Variants in TRIM13 observed in about 807,000 individuals in gnomAD.
TRIM13 encodes the protein tripartite motif containing 13, also known as E3 ubiquitin-protein ligase TRIM13.
In TRIM13, 15 loss-of-function variants were observed where a neutral mutation model predicts 27.1. That is an observed-to-expected ratio of 0.55 (90% CI 0.37 to 0.85). The LOEUF is 0.85. Ranked by LOEUF, TRIM13 falls within the 40% of genes least tolerant of loss-of-function variation. The probability of loss-of-function intolerance (pLI) is 0.00; values close to 1 mark genes in which losing one functional copy is unlikely to be tolerated. For missense variants in TRIM13, 402 were observed against 472.2 expected (o/e 0.85, Z 1.38); for synonymous variants, 193 against 171.5 (o/e 1.13, Z -0.98).
chr13:50,002,471 T>A (rs1033747899), intron 1 of TRIM13, among the ~76,000 whole-genome samples: 2 of 152,222 alleles, frequency 1.3e-5, no homozygotes, highest in African/African-American at 4.8e-5. Context: ...TTCAAAGTTT[T>A]ACTTTCTAAA....
chr13:50,001,480 A>T (rs2740543), intron 1 of TRIM13, among the ~76,000 whole-genome samples: 145,496 of 152,204 alleles, frequency 0.96, 69,872 homozygotes, highest in East Asian at 1. Context: ...AAGTGAACTT[A>T]CCAAGCTAGT....
intron 1 of TRIM13, among the ~76,000 whole-genome samples, chr13:49,998,645 G>C (rs1408835879): frequency 6.6e-6 from 1 of 151,916 alleles, no homozygotes; most frequent in African/African-American, 2.4e-5. Context: ...GTTCTCGGTG[G>C]AATTTTCCTT....
intron 1 of TRIM13, among the ~76,000 whole-genome samples, chr13:50,005,444 C>T (rs575859791): frequency 2.6e-5 from 4 of 151,646 alleles, no homozygotes; most frequent in African/African-American, 4.8e-5. Flanking sequence ...GAGGCCGAGG[C>T]GGGTGGATCA....
chr13:49,999,762 G>A (rs1443466923), intron 1 of TRIM13, among the ~76,000 whole-genome samples: 4 of 152,156 alleles, frequency 2.6e-5, no homozygotes, highest in Admixed American at 6.5e-5. Flanking sequence ...CCCTTCACTA[G>A]AGAGCCTGTT....
In TRIM13 at chr13:49,997,436, G is replaced by C. The variant is rs1040454219; in HGVS notation, c.-334G>C. ...CCACATCCCCTAGAAAAGAAAAGAC[G>C]GGTGTGGGCCTTAGGTTACAGCGCG... is the stretch of plus-strand genomic sequence containing the variant. On this transcript the variant is annotated 5_prime_UTR_variant, in exon 1 of 2. Transcript: ENST00000378182. 6.6e-6 allele frequency: 1 copy of C among 152,170 alleles called. No individual in the cohort carries two copies. Among genetic ancestry groups the C allele is most frequent in the African/African-American group, 2.4e-5 (1 of 41,438 alleles). The allele number at this position is 152,170 out of a possible 1,614,324, so 9.4% of individuals were successfully genotyped here.
chr13:50,014,360 T>TAC lies in TRIM13; in HGVS notation c.*1212_*1213dup, dbSNP rs377384125. 0.015 allele frequency: 845 copies of TAC among 57,896 alleles called. 71 individuals carry two copies. Among genetic ancestry groups the TAC allele is most frequent in the African/African-American group, 0.041 (555 of 13,584 alleles). 3.6% of individuals were successfully genotyped at this position (57,896 alleles called of 1,614,324 possible). A position where few individuals can be genotyped will look rare whatever the true frequency, so the allele number is the denominator to read the frequency against. On this transcript the variant is annotated 3_prime_UTR_variant, in exon 2 of 2. Coordinates refer to ENST00000378182, the MANE Select transcript of TRIM13 (RefSeq NM_213590.3). ...AAAAAAAAAAATATATATATATATA[T>TAC]ACACACACACACACACATATGTACA...
rs975864899 is a variant in TRIM13 at position 50,013,355 on chromosome 13, TTTTTTG to T, written c.*195_*200del. ...AATTTAGTAGTATAGGCCTGAACCT[TTTTTTG>T]TTTAAAAGAGTGCTTTTGAAATAAG... is the stretch of plus-strand genomic sequence containing the variant. On this transcript the variant is annotated 3_prime_UTR_variant, in exon 2 of 2. Transcript: ENST00000378182. 2.0e-6 allele frequency: 1 copy of T among 505,038 alleles called. No individual in the cohort carries two copies. Among genetic ancestry groups the T allele is most frequent in the Non-Finnish European group, 3.3e-6 (1 of 299,574 alleles). The allele number at this position is 505,038 out of a possible 1,614,324, so 31.3% of individuals were successfully genotyped here.
intron 1 of TRIM13, among the ~76,000 whole-genome samples, chr13:49,999,675 G>A (rs990322646): frequency 6.6e-6 from 1 of 152,090 alleles, no homozygotes; most frequent in African/African-American, 2.4e-5. Flanking sequence ...ACCATTCCCA[G>A]ATATAAAAAT....
rs998139076 is a variant in TRIM13, at chr13:50,012,421, T to C, written c.481T>C (p.Leu161=). ...TWRRGDALSR[L]DTLETSKRKS... Reference sequence around the variant, plus strand: ...GCGTCGGGGAGATGCTCTTTCTCGCTTGGATACCTTGGAAACTAGTAAGAG... The same window carrying C: ...GCGTCGGGGAGATGCTCTTTCTCGCCTGGATACCTTGGAAACTAGTAAGAG... Residue 161 remains leucine (L), a synonymous_variant, in exon 2 of 2, where the codon TTG becomes CTG. Transcript: ENST00000378182. 6.2e-6 allele frequency: 10 copies of C among 1,613,962 alleles called. No individual in the cohort carries two copies. Among genetic ancestry groups the C allele is most frequent in the Non-Finnish European group, 8.5e-6 (10 of 1,179,990 alleles).
chr13:50,012,011 C>T lies in TRIM13; in HGVS notation c.71C>T (p.Pro24Leu), dbSNP rs1875723950. 6.2e-7 allele frequency: 1 copy of T among 1,613,792 alleles called. No homozygotes were observed. ...CTGTTTGATGATCCACGGGTTTTGC[C>T]TTGCTCCCACAACTTCTGCAAAAAA... The part of the protein sequence containing the change: ...CSLFDDPRVL[P>L]CSHNFCKKCL... Residue 24 changes from proline to leucine, a missense_variant, in exon 2 of 2, where the codon CCT becomes CTT. Physicochemically the swap from Pro to Leu is moderately conservative, Grantham distance 98 (BLOSUM62 -3). Around this residue, in one of 2 missense-constraint regions of TRIM13, gnomAD observed 202 missense variants for 277.5 expected, o/e 0.73. Transcript: ENST00000378182.
At position 49,997,507 on chromosome 13, in the gene TRIM13, G is replaced by C. The variant is rs1257065318; in HGVS notation, c.-263G>C. 2 of 152,222 alleles carry C rather than the reference G, an allele frequency of 1.3e-5. No homozygotes were observed. The highest frequency in any genetic ancestry group is 2.9e-5 in the Non-Finnish European group (2 of 68,090). 9.4% of individuals were successfully genotyped at this position (152,222 alleles called of 1,614,324 possible). A position where few individuals can be genotyped will look rare whatever the true frequency, so the allele number is the denominator to read the frequency against. On this transcript the variant is annotated 5_prime_UTR_variant, in exon 1 of 2. Coordinates refer to ENST00000378182, the MANE Select transcript of TRIM13 (RefSeq NM_213590.3). ...GGCGCCGGGGGAGGGCGCCCTAACC[G>C]AGAAGCTGCTTAATACAAAGAGCTC...
intron 1 of TRIM13, among the ~76,000 whole-genome samples, chr13:50,004,053 G>A (rs116517237): frequency 0.011 from 1,735 of 152,316 alleles, 26 homozygotes; most frequent in African/African-American, 0.04. Flanking sequence ...AGGAAGAGAT[G>A]AATTTTGGAA....
chr13:50,002,411 C>T (rs114906182), intron 1 of TRIM13, among the ~76,000 whole-genome samples: 1,738 of 152,058 alleles, frequency 0.011, 28 homozygotes, highest in African/African-American at 0.04. Context: ...AAAAACAAAC[C>T]ATACTACAGC....
chr13:50,001,272 C>T lies in TRIM13; in HGVS notation c.-7+3509C>T, dbSNP rs1003606245. Among the ~76,000 whole-genome samples, 5 of 101,550 alleles carry T rather than the reference C, an allele frequency of 4.9e-5. No individual in the cohort carries two copies. The Admixed American group carries it at 5.5e-4, about 11-fold the overall frequency. The allele number at this position is 101,550 out of a possible 152,430, so 66.6% of individuals were successfully genotyped here. On this transcript the variant is annotated intron_variant, in intron 1 of 1. Coordinates refer to ENST00000378182, the MANE Select transcript of TRIM13 (RefSeq NM_213590.3). Reference sequence around the variant, plus strand: ...CACCATTGCACTCCAGCCTGGGTGACAAGAGCAAAACTCTGTCCCAAAAAA... The same window carrying T: ...CACCATTGCACTCCAGCCTGGGTGATAAGAGCAAAACTCTGTCCCAAAAAA...
chr13:49,997,308 T>A lies in TRIM13; in HGVS notation c.-462T>A, dbSNP rs1040799878. ...GGCAGAAACCAGCGGGGCACTGTCA[T>A]GGGCCTGGGGAGGAGCGGCCTGCGG... On this transcript the variant is annotated 5_prime_UTR_variant, in exon 1 of 2. It removes an upstream start codon present in the reference 5' UTR. Coordinates refer to ENST00000378182, the MANE Select transcript of TRIM13 (RefSeq NM_213590.3). 3 of 152,826 alleles carry A rather than the reference T, an allele frequency of 2.0e-5. No individual in the cohort carries two copies. The highest frequency in any genetic ancestry group is 7.2e-5 in the African/African-American group (3 of 41,440). The allele number at this position is 152,826 out of a possible 1,614,324, so 9.5% of individuals were successfully genotyped here.
intron 1 of TRIM13, among the ~76,000 whole-genome samples, chr13:50,004,152 T>C (rs531121512): frequency 6.6e-6 from 1 of 152,312 alleles, no homozygotes; most frequent in African/African-American, 2.4e-5. Context: ...TTTTTTGACT[T>C]CTATATTAGG....
chr13:50,011,944 G>A lies in TRIM13; in HGVS notation c.4G>A (p.Glu2Lys). ...TTTTTTTTTCTGGTAGGATGTGATG[G>A]AGCTGCTTGAAGAAGATCTCACATG... M[E>K]LLEEDLTCPI... The change falls in exon 2 of 2, where the codon GAG (glutamate) becomes AAG (lysine). Residue 2 changes from glutamate (E) to lysine (K), a missense_variant. Physicochemically the swap from Glu to Lys is moderately conservative, Grantham distance 56 (BLOSUM62 1). Transcript: ENST00000378182. The A allele has an allele frequency of 1.2e-6, 2 of 1,604,804 alleles. No homozygotes were observed. Among genetic ancestry groups the A allele is most frequent in the Non-Finnish European group, 1.7e-6 (2 of 1,174,894 alleles).
In TRIM13 at chr13:50,015,999, A is replaced by G. The variant is rs772658100; in HGVS notation, c.*2835A>G. The G allele has an allele frequency of 5.0e-6, 8 of 1,613,974 alleles. No homozygotes were observed. In the East Asian group the frequency reaches 1.8e-4, roughly 36 times the overall value. ...ATGACCTTACTTCCACTGCCTCCAC[A>G]AAGACCTTCTTACCATGACCTGGTT... On this transcript the variant is annotated 3_prime_UTR_variant, in exon 2 of 2. Coordinates refer to ENST00000378182, the MANE Select transcript of TRIM13 (RefSeq NM_213590.3).
At position 50,012,311 on chromosome 13, in the gene TRIM13, C is replaced by A; in HGVS notation, c.371C>A (p.Thr124Asn). 6.2e-7 allele frequency: 1 copy of A among 1,614,132 alleles called. No individual in the cohort carries two copies. The highest frequency in any genetic ancestry group is 8.5e-7 in the Non-Finnish European group (1 of 1,180,010). The change falls in exon 2 of 2, where the codon ACC becomes AAC. Residue 124 changes from threonine (T) to asparagine (N), a missense_variant. Coordinates refer to ENST00000378182, the MANE Select transcript of TRIM13 (RefSeq NM_213590.3). ...CGICATRGEH[T>N]KHVFCSIEDA... ...ATCTGTGCTACTCGTGGGGAGCACA[C>A]CAAACATGTCTTCTGTTCTATTGAA...
Sources: gnomAD v4.1 joint callset for allele counts (sites outside exome capture counted in the v4.1 genomes callset) on GRCh38, gnomAD v4.1.1 for gene constraint, gnomAD v4.1.1 regional missense constraint, MANE v1.5 for transcripts, NCBI Gene and HGNC (gene_info 2026-07-23, HGNC 2026-07-21) for gene names.